Variants in WWOX observed in about 807,000 individuals in gnomAD.
WWOX encodes the protein WW domain-containing oxidoreductase.
WWOX carries 69 observed loss-of-function variants against 46.2 expected under a neutral mutation model. The ratio of observed to expected loss-of-function variants is 1.49; its 90% CI spans 1.23 to 1.82. WWOX has a LOEUF of 1.82. WWOX is among the 40% of genes most tolerant of loss of function. WWOX has a pLI of 0.00. For missense variants in WWOX, 919 were observed against 542.6 expected (o/e 1.69, Z -6.89); for synonymous variants, 359 against 202.6 (o/e 1.77, Z -6.56).
intron 8 of WWOX, among the ~76,000 whole-genome samples, chr16:79,010,820 G>A (rs963128024): frequency 6.6e-6 from 1 of 151,394 alleles, no homozygotes; most frequent in Non-Finnish European, 1.5e-5. Context: ...TGGGGCGGGG[G>A]TGGGGGTTCA....
intron 8 of WWOX, among the ~76,000 whole-genome samples, chr16:78,673,694 A>G (rs1325379682): frequency 1.3e-5 from 2 of 152,210 alleles, no homozygotes. Flanking sequence ...ATTGCCAAAC[A>G]AGTCAAGAGA....
At position 78,863,219 on chromosome 16, in the gene WWOX, A is replaced by G. The variant is rs370408146; in HGVS notation, c.1057-348389A>G. On this transcript the variant is annotated intron_variant, in intron 8 of 8. Transcript: ENST00000566780. The stretch of plus-strand genomic sequence containing the variant: ...GTGATCCACCCGCCTTGGCCTCCCA[A>G]AGTGCTAGGATTACAGGCGTGAGCC... Among the ~76,000 whole-genome samples, 180 of 152,190 alleles carry G rather than the reference A, an allele frequency of 1.2e-3. 2 individuals carry two copies. The highest frequency in any genetic ancestry group is 4.2e-3 in the African/African-American group (175 of 41,534).
intron 8 of WWOX, among the ~76,000 whole-genome samples, chr16:78,727,946 A>G (rs548841377): frequency 6.6e-6 from 1 of 152,174 alleles, no homozygotes; most frequent in South Asian, 2.1e-4. Flanking sequence ...TTATCATACT[A>G]GAAATTAAAA....
intron 8 of WWOX, among the ~76,000 whole-genome samples, chr16:78,540,131 A>G (rs541692761): frequency 1.1e-3 from 167 of 151,504 alleles, no homozygotes; most frequent in African/African-American, 3.9e-3. Context: ...TCTGTGTTCA[A>G]TTTCTGCCTG....
At chr16:79,015,180 G>GT (rs1412463753) in intron 8 of WWOX, among the ~76,000 whole-genome samples, 2 of 152,124 alleles carry the variant, frequency 1.3e-5, no homozygotes, top group Non-Finnish European at 2.9e-5. Context: ...AGTGTTCTAG[G>GT]TATGGTCTTA....
At chr16:79,129,810 A>G (rs546767816) in intron 8 of WWOX, among the ~76,000 whole-genome samples, 1 of 152,282 alleles carries the variant, frequency 6.6e-6, no homozygotes, top group African/African-American at 2.4e-5. Context: ...CAAAGAGCTC[A>G]TGGACCAGTC....
At chr16:78,983,877 T>TTTC (rs2151336757) in intron 8 of WWOX, among the ~76,000 whole-genome samples, 1 of 134,948 alleles carries the variant, frequency 7.4e-6, no homozygotes, top group East Asian at 2.1e-4. Context: ...ATTCTTTTTT[T>TTTC]TTTTTTTTTT....
At chr16:78,431,130 G>C (rs368373027) in intron 7 of WWOX, among the ~76,000 whole-genome samples, 1 of 152,022 alleles carries the variant, frequency 6.6e-6, no homozygotes, top group Non-Finnish European at 1.5e-5. Context: ...CTATAATGTT[G>C]TTATTTAAGA....
At position 79,091,903 on chromosome 16, in the gene WWOX, C is replaced by T. The variant is rs565857441; in HGVS notation, c.1057-119705C>T. Among the ~76,000 whole-genome samples the T allele has an allele frequency of 1.6e-3, 245 of 150,810 alleles. 4 individuals carry two copies. In the South Asian group the frequency reaches 0.031, roughly 19 times the overall value. On this transcript the variant is annotated intron_variant, in intron 8 of 8. Coordinates refer to ENST00000566780, the MANE Select transcript of WWOX (RefSeq NM_016373.4). ...TCAAGTGATTCTCCTGCCTCAGCCTCCTGAGTAGCTGGGACCACAGGTGCA... is the reference window on the plus strand; with the variant it reads ...TCAAGTGATTCTCCTGCCTCAGCCTTCTGAGTAGCTGGGACCACAGGTGCA...
chr16:78,481,494 A>T (rs1234572170), intron 8 of WWOX, among the ~76,000 whole-genome samples: 1 of 152,160 alleles, frequency 6.6e-6, no homozygotes, highest in Non-Finnish European at 1.5e-5. Context: ...GGAACTTTGC[A>T]GGATGTTCGT....
intron 8 of WWOX, among the ~76,000 whole-genome samples, chr16:78,573,235 G>A (rs1409899543): frequency 6.6e-6 from 1 of 151,884 alleles, no homozygotes; most frequent in Admixed American, 6.6e-5. Context: ...GCAGTGAGCC[G>A]AGATCGTGCC....
At chr16:78,900,529 T>A (rs2044804532) in intron 8 of WWOX, among the ~76,000 whole-genome samples, 1 of 152,186 alleles carries the variant, frequency 6.6e-6, no homozygotes, top group Non-Finnish European at 1.5e-5. Flanking sequence ...ACATAAGAAT[T>A]TTCTAAGCAG....
intron 8 of WWOX, among the ~76,000 whole-genome samples, chr16:78,623,170 C>G (rs940734746): frequency 2.6e-5 from 4 of 151,460 alleles, no homozygotes; most frequent in Non-Finnish European, 5.9e-5. Flanking sequence ...CTCAGCCATG[C>G]CCAGACTCCT....
At chr16:79,186,888 T>G (rs1331470273) in intron 8 of WWOX, among the ~76,000 whole-genome samples, 1 of 152,188 alleles carries the variant, frequency 6.6e-6, no homozygotes, top group African/African-American at 2.4e-5. Context: ...TATTGGTTTT[T>G]CACCACATGC....
intron 5 of WWOX, among the ~76,000 whole-genome samples, chr16:78,282,945 A>T (rs4887949): frequency 0.057 from 8,578 of 151,070 alleles, 465 homozygotes; most frequent in East Asian, 0.18. Context: ...GCTGAAGATC[A>T]GCTTCAGCTT....
intron 8 of WWOX, among the ~76,000 whole-genome samples, chr16:79,172,220 CA>C (rs2150770144): frequency 6.6e-6 from 1 of 152,310 alleles, no homozygotes; most frequent in East Asian, 1.9e-4. Context: ...TTTATTTCCC[CA>C]CTTGGCACTG....
At chr16:78,664,165 G>A (rs974256714) in intron 8 of WWOX, among the ~76,000 whole-genome samples, 3 of 152,278 alleles carry the variant, frequency 2.0e-5, no homozygotes, top group African/African-American at 7.2e-5. Flanking sequence ...AGGTGACCAG[G>A]TGACAATAAT....
chr16:78,929,158 T>TG (rs1567655993), intron 8 of WWOX, among the ~76,000 whole-genome samples: 1 of 152,160 alleles, frequency 6.6e-6, no homozygotes, highest in Non-Finnish European at 1.5e-5. Context: ...GAACACGGTT[T>TG]GGGGGTGATT....
At chr16:78,632,040 A>T (rs941767942) in intron 8 of WWOX, among the ~76,000 whole-genome samples, 1 of 152,190 alleles carries the variant, frequency 6.6e-6, no homozygotes. Context: ...TCTTAAAAAA[A>T]ATAAAAGTCT....
Sources: gnomAD v4.1 joint callset for allele counts (sites outside exome capture counted in the v4.1 genomes callset) on GRCh38, gnomAD v4.1.1 for gene constraint, MANE v1.5 for transcripts, NCBI Gene and HGNC (gene_info 2026-07-23, HGNC 2026-07-21) for gene names.